The following PTPRD variants were observed in gnomAD, a reference collection of about 807,000 sequenced individuals.
The protein encoded by PTPRD is receptor-type tyrosine-protein phosphatase delta.
In PTPRD, 34 loss-of-function variants were observed where a neutral mutation model predicts 214.5. That is an observed-to-expected ratio of 0.16 (90% confidence interval 0.12 to 0.21). The LOEUF (loss-of-function observed/expected upper bound fraction) is 0.21, where lower values mean the gene tolerates loss of function less well. PTPRD is among the 10% of genes least tolerant of loss of function. PTPRD has a pLI of 1.00. For missense variants in PTPRD, 2,545 were observed against 2,398.7 expected, an observed-to-expected ratio of 1.06 and a Z score of -1.27; for synonymous variants, 1,128 against 845.7, an observed-to-expected ratio of 1.33 and a Z score of -5.79.
At chr9:9,944,699 CT>C (rs112124408) in intron 4 of PTPRD, among the ~76,000 whole-genome samples, 122 of 148,480 alleles carry the variant, frequency 8.2e-4, no homozygotes, top group African/African-American at 2.5e-3. Context: ...AGAAATCCAG[CT>C]TTTTTTTTTC....
At chr9:9,565,517 T>C (rs2084244477) in intron 8 of PTPRD, among the ~76,000 whole-genome samples, 1 of 151,956 alleles carries the variant, frequency 6.6e-6, no homozygotes, top group Admixed American at 6.6e-5. Flanking sequence ...TTCTGAAGAA[T>C]AATTTTTCCT....
chr9:9,744,557 T>C (rs2098439302), intron 6 of PTPRD, among the ~76,000 whole-genome samples: 2 of 152,200 alleles, frequency 1.3e-5, no homozygotes, highest in African/African-American at 2.4e-5. Flanking sequence ...TTTGCTATTG[T>C]AGCAATGTCT....
At chr9:9,640,859 G>A (rs780577245) in intron 7 of PTPRD, among the ~76,000 whole-genome samples, 1 of 152,128 alleles carries the variant, frequency 6.6e-6, no homozygotes, top group African/African-American at 2.4e-5. Context: ...TGTAAATAAC[G>A]GATACTTAAA....
At chr9:9,636,266 T>C (rs16929961) in intron 7 of PTPRD, among the ~76,000 whole-genome samples, 2,596 of 152,348 alleles carry the variant, frequency 0.017, 76 homozygotes, top group African/African-American at 0.06. Flanking sequence ...TACAGACTTT[T>C]AAACAATGTC....
chr9:9,353,448 T>A (rs2052311960), intron 9 of PTPRD, among the ~76,000 whole-genome samples: 1 of 151,920 alleles, frequency 6.6e-6, no homozygotes, highest in South Asian at 2.1e-4. Context: ...GTTAAATACT[T>A]TGCATATGTC....
intron 25 of PTPRD, among the ~76,000 whole-genome samples, chr9:8,497,482 C>G (rs996064351): frequency 2.6e-5 from 4 of 152,110 alleles, no homozygotes; most frequent in African/African-American, 9.7e-5. Flanking sequence ...ATCACTAAAA[C>G]CAGCTAACAT....
intron 2 of PTPRD, among the ~76,000 whole-genome samples, chr9:10,569,322 C>T (rs10809122): frequency 0.26 from 39,803 of 152,030 alleles, 5,532 homozygotes; most frequent in Non-Finnish European, 0.31. Context: ...CCAGAAGGCT[C>T]ACAGCCAAAG....
At chr9:9,568,717 G>T (rs1346750362) in intron 8 of PTPRD, among the ~76,000 whole-genome samples, 1 of 151,760 alleles carries the variant, frequency 6.6e-6, no homozygotes, top group East Asian at 1.9e-4. Flanking sequence ...ATAACTTAAT[G>T]GGAGGTAGCT....
At chr9:8,424,736 G>C (rs1056575544) in intron 35 of PTPRD, among the ~76,000 whole-genome samples, 1 of 152,140 alleles carries the variant, frequency 6.6e-6, no homozygotes, top group African/African-American at 2.4e-5. Context: ...AATGAGTGAA[G>C]GGAGGAGGGA....
At chr9:10,341,531 A>C (rs10959055) in intron 2 of PTPRD, among the ~76,000 whole-genome samples, 1 of 151,874 alleles carries the variant, frequency 6.6e-6, no homozygotes, top group Admixed American at 6.6e-5. Context: ...TGGATGAGTT[A>C]TGTCTTCACA....
intron 5 of PTPRD, among the ~76,000 whole-genome samples, chr9:9,813,173 G>C (rs2047685935): frequency 6.6e-6 from 1 of 151,990 alleles, no homozygotes; most frequent in South Asian, 2.1e-4. Flanking sequence ...AGTTCATAGT[G>C]ACAAATGCTT....
chr9:10,267,750 A>C (rs1292621774), intron 3 of PTPRD, among the ~76,000 whole-genome samples: 1 of 152,102 alleles, frequency 6.6e-6, no homozygotes, highest in African/African-American at 2.4e-5. Flanking sequence ...TTAAAGTCTT[A>C]TTTTTTTAAT....
chr9:9,706,515 C>A (rs937152443), intron 7 of PTPRD, among the ~76,000 whole-genome samples: 5 of 151,958 alleles, frequency 3.3e-5, no homozygotes, highest in African/African-American at 9.7e-5. Flanking sequence ...TCTTGGCTCA[C>A]TGCAACCTCC....
chr9:9,002,137 A>G (rs1187008961), intron 11 of PTPRD, among the ~76,000 whole-genome samples: 1 of 152,056 alleles, frequency 6.6e-6, no homozygotes, highest in African/African-American at 2.4e-5. Context: ...AGCCTGATTC[A>G]TAATACCTTA....
At chr9:9,388,840 CT>C (rs2064814532) in intron 9 of PTPRD, among the ~76,000 whole-genome samples, 1 of 151,924 alleles carries the variant, frequency 6.6e-6, no homozygotes, top group Admixed American at 6.6e-5. Flanking sequence ...ATAAAACAGG[CT>C]TTCTGAGATA....
intron 2 of PTPRD, among the ~76,000 whole-genome samples, chr9:10,578,441 G>A (rs576796825): frequency 3.8e-4 from 58 of 152,070 alleles, no homozygotes; most frequent in African/African-American, 1.2e-3. Flanking sequence ...TTTCATTCAT[G>A]TTATACAAAA....
chr9:8,858,348 G>C (rs1485638642), intron 11 of PTPRD: 3 of 152,830 alleles, frequency 2.0e-5, no homozygotes, highest in African/African-American at 4.8e-5. Context: ...AGGCTCGTGG[G>C]GGGAGAGGGG....
chr9:9,992,046 C>A (rs755789330), intron 4 of PTPRD, among the ~76,000 whole-genome samples: 2 of 152,072 alleles, frequency 1.3e-5, no homozygotes, highest in African/African-American at 2.4e-5. Context: ...TAGGCAAACC[C>A]ATGAGAGTTA....
At chr9:10,435,225 G>A (rs2098709676) in intron 2 of PTPRD, among the ~76,000 whole-genome samples, 8 of 151,852 alleles carry the variant, frequency 5.3e-5, no homozygotes, top group Admixed American at 3.3e-4. Context: ...CTCAAGTGTA[G>A]CCAGTGCTAA....
Sources: gnomAD v4.1 joint callset for allele counts (sites outside exome capture counted in the v4.1 genomes callset) on GRCh38, gnomAD v4.1.1 for gene constraint, MANE v1.5 for transcripts, NCBI Gene and HGNC (gene_info 2026-07-23, HGNC 2026-07-21) for gene names.